CIMIP4: variants seen among roughly 807,000 people sequenced by gnomAD.
CIMIP4 encodes ciliary microtubule inner protein 4.
the CIMIP4 span, among the ~76,000 whole-genome samples, chr22:36,996,462 A>G: frequency 6.6e-6 from 1 of 151,326 alleles, no homozygotes; most frequent in Non-Finnish European, 1.5e-5. Context: ...CTCCTGAGTA[A>G]GTCTAACAAA....
chr22:36,994,531 G>A, the CIMIP4 span, among the ~76,000 whole-genome samples: 2 of 151,870 alleles, frequency 1.3e-5, no homozygotes, highest in Non-Finnish European at 2.9e-5. Context: ...CATCATGCCA[G>A]CTAATTTTTG....
At chr22:37,006,563 A>G in the CIMIP4 span, among the ~76,000 whole-genome samples, 1 of 152,238 alleles carries the variant, frequency 6.6e-6, no homozygotes, top group African/African-American at 2.4e-5. Flanking sequence ...TTAAGGAACG[A>G]CACTGGAGGA....
the CIMIP4 span, chr22:37,001,792 T>C: frequency 3.4e-6 from 5 of 1,463,442 alleles, no homozygotes; most frequent in East Asian, 2.5e-5. Context: ...TCTTATGTCC[T>C]CATTATAAGA....
chr22:37,000,086 C>G, the CIMIP4 span: 1 of 1,424,836 alleles, frequency 7.0e-7, no homozygotes, highest in Non-Finnish European at 9.4e-7. Flanking sequence ...CTCCCCACCC[C>G]GATCCCACCT....
At chr22:36,996,607 C>T in the CIMIP4 span, among the ~76,000 whole-genome samples, 2 of 152,060 alleles carry the variant, frequency 1.3e-5, no homozygotes, top group African/African-American at 2.4e-5. Context: ...GACAACAGCC[C>T]TTAAATTGAG....
the CIMIP4 span, chr22:36,991,195 T>C: frequency 8.1e-6 from 13 of 1,614,160 alleles, no homozygotes; most frequent in Non-Finnish European, 1.0e-5. Flanking sequence ...CTTGGAGCTC[T>C]TGGATTTGCT....
the CIMIP4 span, chr22:37,002,355 G>A: frequency 1.4e-5 from 16 of 1,159,448 alleles, no homozygotes; most frequent in Middle Eastern, 3.0e-4. Flanking sequence ...ACGCAGACAA[G>A]GGCAGAAAGT....
the CIMIP4 span, chr22:37,003,869 G>A: frequency 6.8e-5 from 89 of 1,307,116 alleles, 1 homozygote; most frequent in Middle Eastern, 4.2e-4. Flanking sequence ...AACACAAGAC[G>A]GAGCGGGAGG....
the CIMIP4 span, among the ~76,000 whole-genome samples, chr22:36,996,114 A>G: frequency 6.6e-6 from 1 of 151,032 alleles, no homozygotes; most frequent in Non-Finnish European, 1.5e-5. Flanking sequence ...TAACTTTTCC[A>G]TGACTCAATT....
chr22:36,992,603 C>G, the CIMIP4 span, among the ~76,000 whole-genome samples: 1 of 152,122 alleles, frequency 6.6e-6, no homozygotes, highest in South Asian at 2.1e-4. Flanking sequence ...ACAAGATCGG[C>G]TATGTATTAA....
At chr22:37,001,791 C>A in the CIMIP4 span, 1 of 1,462,174 alleles carries the variant, frequency 6.8e-7, no homozygotes, top group African/African-American at 1.4e-5. Context: ...ATCTTATGTC[C>A]TCATTATAAG....
the CIMIP4 span, among the ~76,000 whole-genome samples, chr22:37,006,755 A>G: frequency 2.6e-5 from 4 of 152,180 alleles, no homozygotes; most frequent in Admixed American, 6.5e-5. Context: ...GCTCCCAATG[A>G]TCCCTGTTTC....
At chr22:36,992,471 C>T in the CIMIP4 span, among the ~76,000 whole-genome samples, 1 of 151,902 alleles carries the variant, frequency 6.6e-6, no homozygotes, top group East Asian at 1.9e-4. Flanking sequence ...GAGAAGCAAA[C>T]GGAATTTCAG....
the CIMIP4 span, chr22:37,000,064 C>A: frequency 6.6e-7 from 1 of 1,519,310 alleles, no homozygotes. Flanking sequence ...CTCCTCCTCC[C>A]TTGACCCTGC....
the CIMIP4 span, chr22:37,002,194 C>G: frequency 6.7e-7 from 1 of 1,484,328 alleles, no homozygotes; most frequent in South Asian, 1.4e-5. Context: ...ATGACAGACC[C>G]TGGTTCTTGA....
the CIMIP4 span, among the ~76,000 whole-genome samples, chr22:36,993,241 A>T: frequency 1.3e-5 from 2 of 151,362 alleles, no homozygotes; most frequent in Non-Finnish European, 2.9e-5. Flanking sequence ...GGATCTCTTG[A>T]CCTTGTGATC....
chr22:37,002,218 C>T, the CIMIP4 span: 2 of 1,468,866 alleles, frequency 1.4e-6, no homozygotes, highest in Non-Finnish European at 9.0e-7. Context: ...TGGAGGTGTC[C>T]AAGGAACTGT....
At chr22:36,998,556 A>G in the CIMIP4 span, among the ~76,000 whole-genome samples, 2 of 152,328 alleles carry the variant, frequency 1.3e-5, no homozygotes, top group South Asian at 4.1e-4. Flanking sequence ...AGACCCTGGG[A>G]ACAGGATCAT....
chr22:37,003,388 AC>A, the CIMIP4 span, among the ~76,000 whole-genome samples: 1 of 152,082 alleles, frequency 6.6e-6, no homozygotes, highest in Non-Finnish European at 1.5e-5. Flanking sequence ...GCCCCAGCCA[AC>A]CTGCACTCAC....
Sources: allele counts gnomAD v4.1 joint callset (sites outside exome capture counted in the v4.1 genomes callset), GRCh38; gene constraint gnomAD v4.1.1; transcripts MANE v1.5; gene names NCBI Gene and HGNC (gene_info 2026-07-23, HGNC 2026-07-21).